Variants in UBE2D3 observed in about 807,000 individuals in gnomAD.
UBE2D3 encodes the protein ubiquitin conjugating enzyme E2 D3.
UBE2D3 carries 2 observed loss-of-function variants against 22.8 expected under a neutral mutation model. That is an observed-to-expected ratio of 0.09 (90% CI 0.04 to 0.28). UBE2D3 has a LOEUF of 0.28. UBE2D3 is among the 10% of genes least tolerant of loss of function. The pLI is 1.00. For missense variants in UBE2D3, 27 were observed against 182.5 expected (o/e 0.15, Z 4.91); for synonymous variants, 56 against 60.4 (o/e 0.93, Z 0.34).
upstream of UBE2D3, chr4:102,827,637 A>G: frequency 1.0e-6 from 1 of 986,750 alleles, no homozygotes; most frequent in Non-Finnish European, 1.2e-6. Flanking sequence ...CGTCCCGAGC[A>G]CAAGACCGAT....
intron 1 of UBE2D3, chr4:102,868,618 C>T: frequency 1.9e-6 from 3 of 1,540,152 alleles, no homozygotes; most frequent in Admixed American, 3.3e-5. Context: ...GGGGAGGATA[C>T]TCATGGGCGA....
chr4:102,829,061 T>C (rs1730957892), upstream of UBE2D3, among the ~76,000 whole-genome samples: 1 of 152,196 alleles, frequency 6.6e-6, no homozygotes, highest in African/African-American at 2.4e-5. Context: ...ATATAAGTAG[T>C]CTAATGTATA....
At chr4:102,822,954 G>T (rs374057077) in intron 2 of UBE2D3, among the ~76,000 whole-genome samples, 5 of 152,028 alleles carry the variant, frequency 3.3e-5, no homozygotes, top group African/African-American at 1.2e-4. Context: ...ACAAAAAAAG[G>T]AATTGAAATG....
chr4:102,847,980 A>G lies in UBE2D3; in HGVS notation c.-129+20735T>C, dbSNP rs149357357. On this transcript the variant is annotated intron_variant, in intron 1 of 7. Transcript: ENST00000338145. ...CCTAGCGTTCCATTATTGGAACGCTAAGCATGTGGGAATTATTTATAGCCT... is the reference window on the plus strand; with the variant it reads ...CCTAGCGTTCCATTATTGGAACGCTGAGCATGTGGGAATTATTTATAGCCT... Among the ~76,000 whole-genome samples the G allele has an allele frequency of 7.2e-4, 109 of 152,260 alleles. 2 individuals are homozygous for G. The highest frequency in any genetic ancestry group is 2.6e-3 in the African/African-American group (106 of 41,552).
chr4:102,801,108 A>G (rs1346604735), intron 6 of UBE2D3, among the ~76,000 whole-genome samples: 2 of 151,996 alleles, frequency 1.3e-5, no homozygotes, highest in Non-Finnish European at 2.9e-5. Context: ...AAGTTTAGGT[A>G]TATCATACCA....
At chr4:102,828,177 C>T (rs982843324), upstream of UBE2D3, 5 of 985,284 alleles carry the variant, frequency 5.1e-6, no homozygotes, top group African/African-American at 7.0e-5. Context: ...AATGGAATTC[C>T]CCAGACTGGT....
At chr4:102,811,540 C>T (rs1268253678) in intron 2 of UBE2D3, 1 of 106,588 alleles carries the variant, frequency 9.4e-6, no homozygotes, top group Non-Finnish European at 1.6e-5. Context: ...AAATTAGCCA[C>T]GCATAGTGCA....
chr4:102,827,235 G>A, intron 1 of UBE2D3, 192 bp downstream of exon 1: 1 of 976,838 alleles, frequency 1.0e-6, no homozygotes, highest in Non-Finnish European at 1.2e-6. Context: ...TCCGGCTTAG[G>A]CGCGAGGACG....
chr4:102,804,495 A>G (rs1394139630), intron 4 of UBE2D3, among the ~76,000 whole-genome samples: 2 of 152,060 alleles, frequency 1.3e-5, no homozygotes, highest in African/African-American at 2.4e-5. Flanking sequence ...AACTAGAAAA[A>G]CACTCAGGTC....
At chr4:102,808,943 A>C (rs915184643) in intron 4 of UBE2D3, 1 of 156,870 alleles carries the variant, frequency 6.4e-6, no homozygotes, top group Non-Finnish European at 1.4e-5. Flanking sequence ...TTGCTTATAA[A>C]ACCACCAAAA....
At chr4:102,802,518 A>C in intron 5 of UBE2D3, 43 bp downstream of exon 5, 2 of 1,485,164 alleles carry the variant, frequency 1.3e-6, no homozygotes, top group Non-Finnish European at 1.8e-6. Flanking sequence ...CTTTGAAATA[A>C]AGCATAAATC....
intron 1 of UBE2D3, among the ~76,000 whole-genome samples, chr4:102,851,665 GTT>G (rs1209780858): frequency 8.5e-6 from 1 of 118,320 alleles, no homozygotes; most frequent in African/African-American, 3.8e-5. Context: ...GTTTTGTTTT[GTT>G]TTTTGTTTTT....
upstream of UBE2D3, among the ~76,000 whole-genome samples, chr4:102,828,437 G>T (rs1169515641): frequency 1.3e-5 from 2 of 152,012 alleles, no homozygotes; most frequent in Non-Finnish European, 2.9e-5. Flanking sequence ...GCGCTCCCAC[G>T]TGCTGAAGTC....
intron 4 of UBE2D3, 185 bp downstream of exon 4, chr4:102,809,487 C>A (rs576405738): frequency 4.4e-4 from 285 of 654,080 alleles, no homozygotes; most frequent in Non-Finnish European, 6.7e-4. Flanking sequence ...CAGGGATAGA[C>A]ACAAAGTACA....
rs567242922 is a variant in UBE2D3 at position 102,796,164 on chromosome 4, A to T, written c.*1251T>A. On this transcript the variant is annotated 3_prime_UTR_variant, in exon 8 of 8. Transcript: ENST00000453744. ...ACCAAAACAGTACTTTATTTTGCAA[A>T]TTTTGACCCATTATTACTCCCATGT... 8.5e-4 allele frequency: 130 copies of T among 152,492 alleles called. No homozygotes were observed. The highest frequency in any genetic ancestry group is 2.7e-3 in the African/African-American group (114 of 41,534). The allele number at this position is 152,492 out of a possible 1,614,324, so 9.4% of individuals were successfully genotyped here.
intron 1 of UBE2D3, 119 bp downstream of exon 1, chr4:102,827,308 C>A (rs950631295): frequency 7.8e-5 from 74 of 950,878 alleles, no homozygotes; most frequent in Middle Eastern, 5.4e-4. Flanking sequence ...CCCACCCTAA[C>A]CCACCGCACC....
chr4:102,806,275 A>G (rs1038491727), intron 4 of UBE2D3, among the ~76,000 whole-genome samples: 16 of 151,904 alleles, frequency 1.1e-4, no homozygotes, highest in Non-Finnish European at 2.1e-4. Context: ...TCTCTTCCCT[A>G]CTTGGAATAT....
At chr4:102,825,159 G>A (rs978283713) in intron 2 of UBE2D3, 9 of 835,332 alleles carry the variant, frequency 1.1e-5, no homozygotes, top group Non-Finnish European at 1.3e-5. Flanking sequence ...GTCTATTTTA[G>A]TAAAGGCAAA....
At chr4:102,829,000 C>G (rs1206103629), upstream of UBE2D3, among the ~76,000 whole-genome samples, 1 of 152,202 alleles carries the variant, frequency 6.6e-6, no homozygotes, top group Admixed American at 6.5e-5. Flanking sequence ...AATTTGAAAA[C>G]TGTTGCAGAA....
Sources: gnomAD v4.1 joint callset for allele counts (sites outside exome capture counted in the v4.1 genomes callset) on GRCh38, gnomAD v4.1.1 for gene constraint, MANE v1.5 for transcripts, NCBI Gene and HGNC (gene_info 2026-07-23, HGNC 2026-07-21) for gene names.